Variants in GSE1 observed in about 807,000 individuals in gnomAD.
GSE1 encodes genetic suppressor element 1.
A neutral mutation model predicts 112.6 loss-of-function variants in GSE1; 32 were observed. The ratio of observed to expected loss-of-function variants is 0.28; its 90% CI spans 0.21 to 0.38. The LOEUF is 0.38. GSE1 is among the 10% of genes least tolerant of loss of function. The probability of loss-of-function intolerance (pLI) is 1.00; values close to 1 mark genes in which losing one functional copy is unlikely to be tolerated. For missense variants in GSE1, 2,348 were observed against 1,699.2 expected, an observed-to-expected ratio of 1.38 and a Z score of -6.71; for synonymous variants, 1,115 against 735.6, an observed-to-expected ratio of 1.52 and a Z score of -8.35.
chr16:85,480,810 C>T (rs539449638), intron 2 of GSE1, among the ~76,000 whole-genome samples: 2 of 152,172 alleles, frequency 1.3e-5, no homozygotes, highest in South Asian at 2.1e-4. Flanking sequence ...GACATCCCAG[C>T]GCCTGCTCCC....
rs991199912 is a variant in GSE1, at chr16:85,671,010, G to A, written c.3431G>A (p.Arg1144Gln). Residue 1144 changes from arginine (R) to glutamine (Q), a missense_variant, in exon 15 of 16, where the codon CGG (arginine) becomes CAG (glutamine). By Grantham distance (43) the Arg-to-Gln change is conservative (BLOSUM62 1). Transcript: ENST00000253458. ...GTCTTTTCAGAGCAAAATCTGGAGC[G>A]GCAGGTGTTACAGACACAATGTAGA... ...QEHIEEQNLE[R>Q]QVLQTQCRRL... The A allele has an allele frequency of 1.5e-5, 24 of 1,608,612 alleles. No individual in the cohort carries two copies. Among genetic ancestry groups the A allele is most frequent in the South Asian group, 3.3e-5 (3 of 90,948 alleles).
In GSE1 at chr16:85,187,627, G is replaced by A. The variant is rs150468044; in HGVS notation, c.2283+15820G>A. Among the ~76,000 whole-genome samples the A allele has an allele frequency of 3.7e-3, 557 of 151,948 alleles. 1 individual carries two copies. The highest frequency in any genetic ancestry group is 0.013 in the African/African-American group (525 of 41,218). ...GGTCTGCTCTTGACCGGGAGATGGC[G>A]TGGTTTGGCTAAGGGTGTGCGGACA... On this transcript the variant is annotated intron_variant, in intron 1 of 2. Coordinates refer to the GSE1 transcript ENST00000637419.
intron 2 of GSE1, among the ~76,000 whole-genome samples, chr16:85,498,840 A>T (rs559740661): frequency 1.3e-5 from 2 of 152,248 alleles, no homozygotes; most frequent in African/African-American, 4.8e-5. Flanking sequence ...TGTCTGGCCC[A>T]GCCACCCTTC....
intron 2 of GSE1, among the ~76,000 whole-genome samples, chr16:85,508,514 T>C (rs1368097485): frequency 6.6e-6 from 1 of 152,144 alleles, no homozygotes; most frequent in Non-Finnish European, 1.5e-5. Context: ...CAGGAGGGGC[T>C]GCCTGCATGG....
Position 85,419,736 on chromosome 16 carries a change from C to G in GSE1, c.2464+62093C>G, listed in dbSNP as rs947040790. On this transcript the variant is annotated intron_variant, in intron 2 of 2. Transcript: ENST00000637419. This position sits in a 1 kb window ranked among gnomAD's most constrained non-coding sequence, Gnocchi z 6.5. ...GGAATCAGCTGGGGATCTCTAAAAA[C>G]CCCTCTGATGCCTGCCTCCCCCGCC... Among the ~76,000 whole-genome samples the G allele has an allele frequency of 6.6e-6, 1 of 152,160 alleles. No homozygotes were observed. The highest frequency in any genetic ancestry group is 6.5e-5 in the Admixed American group (1 of 15,282).
intron 1 of GSE1, among the ~76,000 whole-genome samples, chr16:85,256,363 G>A (rs959316944): frequency 3.3e-5 from 5 of 152,250 alleles, no homozygotes; most frequent in Non-Finnish European, 1.5e-5. Context: ...AATGACAACA[G>A]TCAGCACTTA....
At chr16:85,471,802 TG>T (rs532869427) in intron 2 of GSE1, among the ~76,000 whole-genome samples, 107 of 152,270 alleles carry the variant, frequency 7.0e-4, no homozygotes, top group African/African-American at 2.5e-3. Context: ...CTTGAACTCC[TG>T]GGGCCCCAAT....
At chr16:85,220,862 C>T (rs867796525) in intron 1 of GSE1, among the ~76,000 whole-genome samples, 5 of 152,088 alleles carry the variant, frequency 3.3e-5, no homozygotes, top group Non-Finnish European at 7.4e-5. Context: ...ATCCCTTTTC[C>T]GTTGCAGGAA....
intron 1 of GSE1, among the ~76,000 whole-genome samples, chr16:85,556,690 GT>G (rs1440508185): frequency 3.3e-5 from 5 of 150,968 alleles, no homozygotes; most frequent in Non-Finnish European, 5.9e-5. Flanking sequence ...ACCTTCCAAG[GT>G]GAAGTAAGCG....
intron 1 of GSE1, among the ~76,000 whole-genome samples, chr16:85,208,260 C>T (rs1034875952): frequency 1.3e-5 from 2 of 152,166 alleles, no homozygotes; most frequent in African/African-American, 2.4e-5. Flanking sequence ...AGAGGGACCC[C>T]ACCACATGCT....
rs1357585055 is a variant in GSE1 at position 85,419,296 on chromosome 16, T to A, written c.2464+61653T>A. 6.6e-6 allele frequency among the ~76,000 whole-genome samples: 1 copy of A among 152,060 alleles called. No individual in the cohort carries two copies. Among genetic ancestry groups the A allele is most frequent in the African/African-American group, 2.4e-5 (1 of 41,402 alleles). On this transcript the variant is annotated intron_variant, in intron 2 of 2. Coordinates refer to the GSE1 transcript ENST00000637419. The surrounding 1 kb of genome is among the most constrained non-coding windows in gnomAD (Gnocchi z 6.5). ...AGAGGCCACCTCAGGAGGCAACATT[T>A]AGAGTCGGGGTCAGGGTTTGAGAAT...
At position 85,507,668 on chromosome 16, in the gene GSE1, T is replaced by C. The variant is rs529231118; in HGVS notation, c.2465-126246T>C. Among the ~76,000 whole-genome samples the C allele has an allele frequency of 1.4e-4, 22 of 152,172 alleles. No individual in the cohort carries two copies. In the East Asian group the frequency reaches 2.7e-3, roughly 19 times the overall value. On this transcript the variant is annotated intron_variant, in intron 2 of 2. Transcript: ENST00000637419. ...TGCAGGTCTGTGTCCACACCTCTTC[T>C]TCTTATGGGGACACCAGTCCTATTG...
chr16:85,232,864 A>AAATG (rs200442967), intron 1 of GSE1, among the ~76,000 whole-genome samples: 2,078 of 152,378 alleles, frequency 0.014, 20 homozygotes, highest in Admixed American at 0.022. Flanking sequence ...TTTCTGATCC[A>AAATG]AATGAATGAA....
chr16:85,505,114 A>C (rs28521760), intron 2 of GSE1, among the ~76,000 whole-genome samples: 1 of 152,072 alleles, frequency 6.6e-6, no homozygotes, highest in African/African-American at 2.4e-5. Context: ...GGTTTGTTCA[A>C]TGTTGGGCCT....
intron 1 of GSE1, among the ~76,000 whole-genome samples, chr16:85,242,256 C>T (rs1221653149): frequency 2.0e-5 from 3 of 152,238 alleles, no homozygotes; most frequent in African/African-American, 7.2e-5. Context: ...ACCCCAGCCC[C>T]CCTGCAAGCA....
chr16:85,411,003 TAC>T (rs2048519582), intron 2 of GSE1, among the ~76,000 whole-genome samples: 5 of 88,564 alleles, frequency 5.6e-5, no homozygotes, highest in East Asian at 3.3e-4. Context: ...TCCTCACTGT[TAC>T]ACTCAGAGCC....
intron 1 of GSE1, among the ~76,000 whole-genome samples, chr16:85,571,221 G>C (rs2045966869): frequency 6.6e-6 from 1 of 152,180 alleles, no homozygotes; most frequent in African/African-American, 2.4e-5. Context: ...TCCAAGGCCC[G>C]GGCGGCATCA....
At chr16:85,182,393 G>A (rs1314930945) in intron 1 of GSE1, among the ~76,000 whole-genome samples, 1 of 152,240 alleles carries the variant, frequency 6.6e-6, no homozygotes, top group Admixed American at 6.5e-5. Context: ...TCACGTGTGA[G>A]CCCCATGGTG....
chr16:85,555,022 G>T (rs1020986309), upstream of GSE1: 4 of 985,256 alleles, frequency 4.1e-6, no homozygotes, highest in South Asian at 4.7e-5. Context: ...GCGGCCGCGC[G>T]GGGGGAAGCT....
Sources: gnomAD v4.1 joint callset for allele counts (sites outside exome capture counted in the v4.1 genomes callset) on GRCh38, gnomAD v4.1.1 for gene constraint, Gnocchi (gnomAD v3.1) non-coding constraint, MANE v1.5 for transcripts, NCBI Gene and HGNC (gene_info 2026-07-23, HGNC 2026-07-21) for gene names.